The following SOX6 variants were observed in gnomAD, a reference collection of about 807,000 sequenced individuals.
SOX6 encodes transcription factor SOX-6.
Under a neutral mutation model 97.8 loss-of-function variants are expected in SOX6, and 11 were observed. The ratio of observed to expected loss-of-function variants is 0.11; its 90% CI spans 0.07 to 0.19. SOX6 has a LOEUF of 0.19. Ranked by LOEUF, SOX6 falls within the 10% of genes least tolerant of loss-of-function variation. The pLI, the probability that SOX6 is intolerant of heterozygous loss-of-function variation, is 1.00. For missense variants in SOX6, 810 were observed against 1,039.5 expected, an observed-to-expected ratio of 0.78 and a Z score of 3.04; for synonymous variants, 360 against 371.4, an observed-to-expected ratio of 0.97 and a Z score of 0.35.
chr11:16,665,494 G>C (rs1847800532), intron 3 of SOX6, among the ~76,000 whole-genome samples: 1 of 152,224 alleles, frequency 6.6e-6, no homozygotes, highest in South Asian at 2.1e-4. Context: ...ACTTTGTCTT[G>C]TGGCTTGGGT....
At chr11:16,444,555 C>T (rs1859576547) in intron 1 of SOX6, among the ~76,000 whole-genome samples, 1 of 152,122 alleles carries the variant, frequency 6.6e-6, no homozygotes, top group Admixed American at 6.5e-5. Context: ...CAATTTTGTT[C>T]ACAGAATTCT....
chr11:16,145,877 C>G (rs1247885694), intron 6 of SOX6, among the ~76,000 whole-genome samples: 4 of 152,194 alleles, frequency 2.6e-5, no homozygotes, highest in Non-Finnish European at 5.9e-5. Flanking sequence ...GAAGAACATT[C>G]CACGCTCATG....
intron 1 of SOX6, among the ~76,000 whole-genome samples, chr11:16,422,794 T>C (rs1055557450): frequency 1.3e-5 from 2 of 152,158 alleles, no homozygotes; most frequent in African/African-American, 4.8e-5. Context: ...ATAGAGGAAG[T>C]GACATCTACT....
At chr11:16,129,392 A>G (rs1034107218) in intron 6 of SOX6, among the ~76,000 whole-genome samples, 1 of 152,124 alleles carries the variant, frequency 6.6e-6, no homozygotes. Flanking sequence ...GCTGTGACAT[A>G]CATTAAAATC....
intron 3 of SOX6, among the ~76,000 whole-genome samples, chr11:16,240,102 T>G (rs1409833317): frequency 6.6e-6 from 1 of 152,020 alleles, no homozygotes; most frequent in Non-Finnish European, 1.5e-5. Flanking sequence ...TTAGAACCAT[T>G]ATAAACATGC....
intron 3 of SOX6, among the ~76,000 whole-genome samples, chr11:16,661,041 T>C (rs1258346092): frequency 6.6e-6 from 1 of 152,238 alleles, no homozygotes; most frequent in Non-Finnish European, 1.5e-5. Flanking sequence ...TACTGATAAA[T>C]GTGTGTTAAA....
intron 11 of SOX6, among the ~76,000 whole-genome samples, chr11:16,048,397 C>A (rs1847595650): frequency 1.3e-5 from 2 of 152,168 alleles, no homozygotes; most frequent in African/African-American, 4.8e-5. Flanking sequence ...AGATTAACAT[C>A]TCACTATCAG....
Position 15,993,913 on chromosome 11 carries a change from C to T in SOX6, c.1733-4683G>A, listed in dbSNP as rs949467205. On this transcript the variant is annotated intron_variant, in intron 13 of 15. Coordinates refer to ENST00000683767, the MANE Select transcript of SOX6 (RefSeq NM_001367873.1). ...GAGAGGCCCCTTCGTGGTTAAATTC[C>T]AAGGGATATCAGAGTGAATGAGTGA... Among the ~76,000 whole-genome samples, 6 of 152,108 alleles carry T rather than the reference C, an allele frequency of 3.9e-5. 1 individual carries two copies. The highest frequency in any genetic ancestry group is 3.3e-4 in the Admixed American group (5 of 15,254).
intron 4 of SOX6, among the ~76,000 whole-genome samples, chr11:16,195,673 T>C (rs1489365226): frequency 6.6e-6 from 1 of 152,182 alleles, no homozygotes; most frequent in Non-Finnish European, 1.5e-5. Flanking sequence ...TCTGTATGCT[T>C]ATTCCCCAAC....
chr11:16,634,456 A>G (rs77023891), intron 3 of SOX6, among the ~76,000 whole-genome samples: 1 of 152,320 alleles, frequency 6.6e-6, no homozygotes, highest in Non-Finnish European at 1.5e-5. Context: ...TTGATAAAAT[A>G]ATGGTCAAAA....
chr11:16,562,385 A>G (rs1306511532), intron 4 of SOX6, among the ~76,000 whole-genome samples: 1 of 152,146 alleles, frequency 6.6e-6, no homozygotes, highest in Non-Finnish European at 1.5e-5. Flanking sequence ...CAACCTAAAA[A>G]CATCAATAGA....
intron 4 of SOX6, among the ~76,000 whole-genome samples, chr11:16,571,867 G>A (rs747804841): frequency 1.3e-5 from 2 of 152,144 alleles, no homozygotes; most frequent in Non-Finnish European, 2.9e-5. Context: ...TGGCCAGGCT[G>A]GTCTCAAACT....
chr11:15,972,901 C>T lies in SOX6; in HGVS notation c.2395G>A (p.Asp799Asn), dbSNP rs758570253. The T allele has an allele frequency of 7.4e-6, 12 of 1,614,116 alleles. 1 individual carries two copies. Among genetic ancestry groups the T allele is most frequent in the Non-Finnish European group, 9.3e-6 (11 of 1,180,048 alleles). The change falls in exon 16 of 16, where the codon GAT (aspartate) becomes AAT (asparagine). Residue 799 changes from aspartate to asparagine, a missense_variant. This residue lies in a region of SOX6 where 122 missense variants were observed against 153.4 expected (regional missense o/e 0.80). Transcript: ENST00000683767. ...LAGNEMINGE[D>N]EMEMYDDYED... ...TAGTCATCATACATTTCCATTTCAT[C>T]CTCTCCATTGATCATTTCATTTCCA...
chr11:16,227,540 T>G (rs566757930), intron 4 of SOX6, among the ~76,000 whole-genome samples: 1 of 152,208 alleles, frequency 6.6e-6, no homozygotes. Context: ...CTTCCTGCCT[T>G]GACCTTCTGA....
chr11:16,283,171 C>G (rs1199689934), intron 3 of SOX6, among the ~76,000 whole-genome samples: 1 of 144,584 alleles, frequency 6.9e-6, no homozygotes, highest in Non-Finnish European at 1.5e-5. Context: ...TTTGGTGCCA[C>G]CCAGTTCATA....
chr11:16,259,163 T>C (rs557337957), intron 3 of SOX6, among the ~76,000 whole-genome samples: 112 of 152,024 alleles, frequency 7.4e-4, no homozygotes, highest in Non-Finnish European at 9.1e-4. Flanking sequence ...AAAATATATT[T>C]ATTTCAAATA....
chr11:16,176,641 A>G (rs541124581), intron 6 of SOX6, among the ~76,000 whole-genome samples: 8 of 152,044 alleles, frequency 5.3e-5, no homozygotes, highest in African/African-American at 1.7e-4. Flanking sequence ...ACCCACAGCT[A>G]TAGTAGTTCT....
At chr11:16,517,530 A>T (rs575311844) in intron 4 of SOX6, among the ~76,000 whole-genome samples, 2 of 152,312 alleles carry the variant, frequency 1.3e-5, no homozygotes, top group East Asian at 3.9e-4. Context: ...TAACCACTCA[A>T]AATAGTACTT....
upstream of SOX6, among the ~76,000 whole-genome samples, chr11:16,356,736 C>G (rs1307735042): frequency 6.6e-6 from 1 of 152,026 alleles, no homozygotes; most frequent in East Asian, 1.9e-4. Flanking sequence ...AACAAAGCGC[C>G]ATTCAGGCCA....
Sources: gnomAD v4.1 joint callset for allele counts (sites outside exome capture counted in the v4.1 genomes callset) on GRCh38, gnomAD v4.1.1 for gene constraint, gnomAD v4.1.1 regional missense constraint, MANE v1.5 for transcripts, NCBI Gene and HGNC (gene_info 2026-07-23, HGNC 2026-07-21) for gene names.